RASGRP1: variants seen among roughly 807,000 people sequenced by gnomAD.
The protein encoded by RASGRP1 is RAS guanyl-releasing protein 1.
Under a neutral mutation model 95.1 loss-of-function variants are expected in RASGRP1, and 37 were observed. The observed-to-expected ratio is 0.39, with a 90% confidence interval of 0.30 to 0.51. RASGRP1 has a LOEUF of 0.51. Among genes scored for constraint, RASGRP1 ranks in the 20% least tolerant of loss-of-function variants. The probability of loss-of-function intolerance (pLI) is 0.80; values close to 1 mark genes in which losing one functional copy is unlikely to be tolerated. For synonymous variants in RASGRP1, 325 were observed against 353.4 expected (o/e 0.92, Z 0.90); for missense variants, 711 against 965.4 (o/e 0.74, Z 3.49).
intron 2 of RASGRP1, among the ~76,000 whole-genome samples, chr15:38,552,491 G>A (rs765827907): frequency 9.9e-5 from 15 of 152,178 alleles, no homozygotes; most frequent in Admixed American, 2.6e-4. Context: ...TGATTTCCAC[G>A]GTGTAAATAC....
At chr15:38,492,949 C>T (rs1236748089) in intron 16 of RASGRP1, among the ~76,000 whole-genome samples, 14 of 149,902 alleles carry the variant, frequency 9.3e-5, no homozygotes, top group Admixed American at 6.0e-4. Flanking sequence ...GGTGCCATTT[C>T]GGCTCACTGC....
At chr15:38,519,760 AAAG>A (rs980069397) in intron 3 of RASGRP1, among the ~76,000 whole-genome samples, 1 of 152,214 alleles carries the variant, frequency 6.6e-6, no homozygotes, top group African/African-American at 2.4e-5. Context: ...AGCAGAAAAA[AAAG>A]AAAAAACAGC....
rs972044665 is a variant in RASGRP1, at chr15:38,512,801, C to T, written c.831G>A (p.Lys277=). Residue 277 remains lysine (K), a synonymous_variant, in exon 7 of 17, where the codon AAG becomes AAA. Coordinates refer to ENST00000310803, the MANE Select transcript of RASGRP1 (RefSeq NM_005739.4). ...TATTCACCTGAGCCACCTGGATGAA[C>T]TTGATGAAGACTTCTGCTCGGAGCT... The part of the protein sequence containing the change: ...TPQLRAEVFI[K]FIQVAQKLHQ... The T allele has an allele frequency of 4.3e-6, 7 of 1,613,614 alleles. No homozygotes were observed. Among genetic ancestry groups the T allele is most frequent in the Non-Finnish European group, 5.9e-6 (7 of 1,179,738 alleles).
rs150332504 is a variant in RASGRP1, at chr15:38,488,651, TCTTTA to T, written c.*1898_*1902del. The T allele has an allele frequency of 1.0e-3, 159 of 152,078 alleles. No individual in the cohort carries two copies. The highest frequency in any genetic ancestry group is 3.6e-3 in the African/African-American group (151 of 41,532). 9.4% of individuals were successfully genotyped at this position (152,078 alleles called of 1,614,324 possible). On this transcript the variant is annotated 3_prime_UTR_variant, in exon 17 of 17. Coordinates refer to ENST00000310803, the MANE Select transcript of RASGRP1 (RefSeq NM_005739.4). Reference sequence around the variant, plus strand: ...TATTTATATAAAAACTAACTGGGGATCTTTACTTCGAATGGAGAGGAGGAAGAATG... The same window carrying T: ...TATTTATATAAAAACTAACTGGGGATCTTCGAATGGAGAGGAGGAAGAATG...
chr15:38,525,490 C>T (rs1892181386), intron 3 of RASGRP1, among the ~76,000 whole-genome samples: 1 of 152,152 alleles, frequency 6.6e-6, no homozygotes, highest in Non-Finnish European at 1.5e-5. Flanking sequence ...TTGTGTGCTA[C>T]TGGAAAACAC....
chr15:38,499,923 G>A (rs1383212696), intron 14 of RASGRP1, among the ~76,000 whole-genome samples, 180 bp downstream of exon 14: 1 of 152,192 alleles, frequency 6.6e-6, no homozygotes, highest in East Asian at 1.9e-4. Context: ...ATGTGAAGAA[G>A]GATGTGTTTG....
chr15:38,526,848 A>G (rs1892244631), intron 2 of RASGRP1, among the ~76,000 whole-genome samples: 1 of 152,210 alleles, frequency 6.6e-6, no homozygotes, highest in Non-Finnish European at 1.5e-5. Context: ...AAATGACCAT[A>G]TGAATACATT....
At chr15:38,495,548 T>C (rs918204267) in intron 15 of RASGRP1, among the ~76,000 whole-genome samples, 8 of 152,324 alleles carry the variant, frequency 5.3e-5, no homozygotes, top group Admixed American at 4.6e-4. Flanking sequence ...TGGATTAGTA[T>C]AGTCAAGATG....
At chr15:38,533,363 T>C (rs900201923) in intron 2 of RASGRP1, among the ~76,000 whole-genome samples, 8 of 152,186 alleles carry the variant, frequency 5.3e-5, no homozygotes, top group African/African-American at 1.4e-4. Context: ...ACCTGGTAGG[T>C]ATACACACAG....
chr15:38,542,874 TATATATATACACATATATGTG>T, intron 2 of RASGRP1, among the ~76,000 whole-genome samples: 1 of 141,476 alleles, frequency 7.1e-6, no homozygotes, highest in East Asian at 2.0e-4. Context: ...CATATATGTG[TATATATATACACATATATGTG>T]TATATATATA....
At chr15:38,509,007 C>A (rs562425760) in intron 8 of RASGRP1, among the ~76,000 whole-genome samples, 1 of 152,298 alleles carries the variant, frequency 6.6e-6, no homozygotes, top group African/African-American at 2.4e-5. Flanking sequence ...TCATGTTTCC[C>A]ACCCACAAAT....
chr15:38,503,234 A>C, intron 11 of RASGRP1, 38 bp downstream of exon 11: 1 of 1,498,732 alleles, frequency 6.7e-7, no homozygotes, highest in Non-Finnish European at 9.2e-7. Flanking sequence ...GAGCCAGGCA[A>C]TGCCTAGTTT....
Position 38,526,359 on chromosome 15 carries a change from A to G in RASGRP1, c.266T>C (p.Met89Thr), listed in dbSNP as rs1892220328. ...LCRSNQLLQV[M>T]LTMHRIVISS... ...GATGACAATTCGGTGCATGGTCAGC[A>G]TGACTTGCAACAGTTGGTTACTTCG... Residue 89 changes from methionine (M) to threonine (T), a missense_variant, in exon 3 of 17, where the codon ATG becomes ACG. Physicochemically the swap from Met to Thr is moderately conservative, Grantham distance 81 (BLOSUM62 -1). This residue lies in a region of RASGRP1 where 491 missense variants were observed against 676.6 expected (regional missense o/e 0.73). Transcript: ENST00000310803. The G allele has an allele frequency of 6.2e-7, 1 of 1,613,334 alleles. No homozygotes were observed. Among genetic ancestry groups the G allele is most frequent in the African/African-American group, 1.3e-5 (1 of 75,010 alleles).
At chr15:38,531,394 T>G (rs1244338483) in intron 2 of RASGRP1, among the ~76,000 whole-genome samples, 1 of 152,224 alleles carries the variant, frequency 6.6e-6, no homozygotes, top group African/African-American at 2.4e-5. Flanking sequence ...CCAGTCCTTA[T>G]GGCTACAAGT....
At chr15:38,502,098 G>T (rs1327197712) in intron 12 of RASGRP1, among the ~76,000 whole-genome samples, 1 of 152,158 alleles carries the variant, frequency 6.6e-6, no homozygotes, top group African/African-American at 2.4e-5. Context: ...CAGGTGATCT[G>T]CCCACCTCGG....
chr15:38,495,074 A>G (rs1255378995), intron 15 of RASGRP1, among the ~76,000 whole-genome samples: 3 of 152,210 alleles, frequency 2.0e-5, no homozygotes, highest in Admixed American at 6.5e-5. Flanking sequence ...ACAGAGTTTC[A>G]TAAAATAAAG....
chr15:38,533,401 A>G (rs1052954686), intron 2 of RASGRP1, among the ~76,000 whole-genome samples: 1 of 152,212 alleles, frequency 6.6e-6, no homozygotes, highest in African/African-American at 2.4e-5. Context: ...TATGTGATAA[A>G]TATTCCAAAG....
chr15:38,520,022 T>A (rs1348355022), intron 3 of RASGRP1, among the ~76,000 whole-genome samples: 1 of 152,224 alleles, frequency 6.6e-6, no homozygotes, highest in Admixed American at 6.5e-5. Context: ...CTTTTCATTC[T>A]GAGCATTCCA....
chr15:38,504,841 C>G (rs2141097661), intron 10 of RASGRP1: 1 of 152,286 alleles, frequency 6.6e-6, no homozygotes, highest in Non-Finnish European at 1.5e-5. Flanking sequence ...TGTTCTGTCA[C>G]TAGGCAGTAG....
Sources: gnomAD v4.1 joint callset for allele counts (sites outside exome capture counted in the v4.1 genomes callset) on GRCh38, gnomAD v4.1.1 for gene constraint, gnomAD v4.1.1 regional missense constraint, MANE v1.5 for transcripts, NCBI Gene and HGNC (gene_info 2026-07-23, HGNC 2026-07-21) for gene names.